Variants in ANKS1B observed in about 807,000 individuals in gnomAD.
ANKS1B encodes the protein ankyrin repeat and sterile alpha motif domain containing 1B.
A neutral mutation model predicts 148.3 loss-of-function variants in ANKS1B; 36 were observed. The ratio of observed to expected loss-of-function variants is 0.24; its 90% CI spans 0.19 to 0.32. ANKS1B has a LOEUF of 0.32. ANKS1B is among the 10% of genes least tolerant of loss of function. The pLI is 1.00. For missense variants in ANKS1B, 1,157 were observed against 1,542.6 expected, an observed-to-expected ratio of 0.75 and a Z score of 4.19; for synonymous variants, 542 against 560.8, an observed-to-expected ratio of 0.97 and a Z score of 0.47.
chr12:98,934,595 A>G (rs2099816738), intron 17 of ANKS1B, among the ~76,000 whole-genome samples: 1 of 152,132 alleles, frequency 6.6e-6, no homozygotes, highest in Non-Finnish European at 1.5e-5. Context: ...CTTCCAATCC[A>G]TGAACATTTG....
chr12:99,637,806 A>G (rs1354392705), intron 9 of ANKS1B, among the ~76,000 whole-genome samples: 1 of 147,338 alleles, frequency 6.8e-6, no homozygotes, highest in Non-Finnish European at 1.5e-5. Context: ...TATATATAAT[A>G]TATATATAAT....
chr12:99,960,300 G>T (rs935199920), intron 1 of ANKS1B, among the ~76,000 whole-genome samples: 1 of 152,166 alleles, frequency 6.6e-6, no homozygotes, highest in African/African-American at 2.4e-5. Context: ...GCGAGGTAAG[G>T]TTTCCTTATA....
At chr12:99,606,987 C>A (rs1434650437) in intron 9 of ANKS1B, among the ~76,000 whole-genome samples, 1 of 152,108 alleles carries the variant, frequency 6.6e-6, no homozygotes, top group Non-Finnish European at 1.5e-5. Context: ...CTACAAAAGG[C>A]AAGGTCCATA....
intron 22 of ANKS1B, among the ~76,000 whole-genome samples, chr12:98,784,786 G>A (rs529885633): frequency 2.0e-4 from 31 of 152,310 alleles, no homozygotes; most frequent in South Asian, 1.7e-3. Context: ...AAAGATGAAG[G>A]ATAGTCATTT....
intron 9 of ANKS1B, among the ~76,000 whole-genome samples, chr12:99,592,355 C>T (rs967985649): frequency 1.5e-4 from 23 of 151,554 alleles, no homozygotes; most frequent in African/African-American, 4.4e-4. Flanking sequence ...CCTATCATGG[C>T]AAAGCACAAG....
chr12:99,897,773 C>G (rs2093434566), intron 1 of ANKS1B, among the ~76,000 whole-genome samples: 1 of 148,834 alleles, frequency 6.7e-6, no homozygotes, highest in South Asian at 2.1e-4. Context: ...TGAGCTAAGC[C>G]TTAAAAGATA....
chr12:99,803,958 G>A (rs556023148), intron 4 of ANKS1B, among the ~76,000 whole-genome samples: 6 of 152,242 alleles, frequency 3.9e-5, no homozygotes, highest in African/African-American at 1.2e-4. Context: ...CTAAGCGTGG[G>A]GCAGAGATAG....
intron 10 of ANKS1B, among the ~76,000 whole-genome samples, chr12:99,486,674 G>T (rs1237796783): frequency 6.6e-6 from 1 of 152,050 alleles, no homozygotes; most frequent in East Asian, 1.9e-4. Context: ...TTTGCACTAA[G>T]GTCTTATCAA....
At chr12:99,045,375 T>C (rs1449838494) in intron 17 of ANKS1B, among the ~76,000 whole-genome samples, 1 of 152,204 alleles carries the variant, frequency 6.6e-6, no homozygotes, top group Non-Finnish European at 1.5e-5. Context: ...CAGCCAGCTC[T>C]TCCTTCTTAA....
At chr12:99,309,228 T>A (rs1037397359) in intron 12 of ANKS1B, among the ~76,000 whole-genome samples, 1 of 151,980 alleles carries the variant, frequency 6.6e-6, no homozygotes, top group East Asian at 1.9e-4. Flanking sequence ...AGAGCAGTTA[T>A]GTTTTAGATA....
At chr12:99,825,159 T>C (rs937281571) in intron 2 of ANKS1B, 150 bp downstream of exon 2, 2 of 618,744 alleles carry the variant, frequency 3.2e-6, no homozygotes, top group Non-Finnish European at 5.8e-6. Context: ...CTACCAAGTC[T>C]AACTTGTCAG....
intron 17 of ANKS1B, among the ~76,000 whole-genome samples, chr12:98,966,434 C>T (rs2099877960): frequency 6.6e-6 from 1 of 152,176 alleles, no homozygotes; most frequent in Non-Finnish European, 1.5e-5. Context: ...AATAGGAACA[C>T]TTTTACACTG....
rs58021580 is a variant in ANKS1B, at chr12:99,959,607, A to G, written c.134+24497T>C. Among the ~76,000 whole-genome samples, 248 of 152,332 alleles carry G rather than the reference A, an allele frequency of 1.6e-3. 9 individuals carry two copies. The East Asian group carries it at 0.04, about 25-fold the overall frequency. Reference sequence around the variant, plus strand: ...ACTTTGCTTAAGCAGTCTGCTTGCTAATATAAGGACATTTTCCTTACCTAT... The same window carrying G: ...ACTTTGCTTAAGCAGTCTGCTTGCTGATATAAGGACATTTTCCTTACCTAT... On this transcript the variant is annotated intron_variant, in intron 1 of 26. Coordinates refer to ENST00000683438, the MANE Select transcript of ANKS1B (RefSeq NM_001352186.2).
At chr12:99,388,317 C>G (rs4335638) in intron 12 of ANKS1B, among the ~76,000 whole-genome samples, 20,924 of 152,010 alleles carry the variant, frequency 0.14, 1,558 homozygotes, top group African/African-American at 0.18. Context: ...AATTTAGTAC[C>G]TATTAAAGTA....
At chr12:99,042,479 C>T (rs979070714) in intron 17 of ANKS1B, among the ~76,000 whole-genome samples, 2 of 152,104 alleles carry the variant, frequency 1.3e-5, no homozygotes, top group Non-Finnish European at 2.9e-5. Flanking sequence ...AATTTGCAGC[C>T]AAGCCCAGCC....
chr12:98,949,400 C>T (rs1239178541), intron 17 of ANKS1B, among the ~76,000 whole-genome samples: 1 of 152,070 alleles, frequency 6.6e-6, no homozygotes, highest in African/African-American at 2.4e-5. Context: ...AGCAATGTTG[C>T]CCAACTGTTA....
In ANKS1B at chr12:99,343,146, T is replaced by C. The variant is rs75545064; in HGVS notation, c.1756+56485A>G. Among the ~76,000 whole-genome samples, 249 of 152,148 alleles carry C rather than the reference T, an allele frequency of 1.6e-3. 1 individual carries two copies. Among genetic ancestry groups the C allele is most frequent in the African/African-American group, 5.8e-3 (241 of 41,562 alleles). ...TATTCCAAAGTAACAGCTAAAATCATATATTAACTTACACATATATCTTTT... is the reference window on the plus strand; with the variant it reads ...TATTCCAAAGTAACAGCTAAAATCACATATTAACTTACACATATATCTTTT... On this transcript the variant is annotated intron_variant, in intron 12 of 26. Transcript: ENST00000683438.
At chr12:99,647,583 G>T (rs1280997697) in intron 9 of ANKS1B, among the ~76,000 whole-genome samples, 2 of 152,140 alleles carry the variant, frequency 1.3e-5, no homozygotes, top group Non-Finnish European at 2.9e-5. Context: ...TTGGTGGCGG[G>T]GTAGTGGTCT....
rs923582625 is a variant in ANKS1B, at chr12:99,680,300, C to T, written c.1129-25090G>A. On this transcript the variant is annotated intron_variant, in intron 8 of 26. Transcript: ENST00000683438. ...TACTAAAAATACAAAACCTAGCCAGCCATGGTGGCACATGCCTATAATCCC... is the reference window on the plus strand; with the variant it reads ...TACTAAAAATACAAAACCTAGCCAGTCATGGTGGCACATGCCTATAATCCC... Among the ~76,000 whole-genome samples the T allele has an allele frequency of 2.0e-5, 3 of 152,098 alleles. No homozygotes were observed. The East Asian group carries it at 5.8e-4, about 29-fold the overall frequency.
Sources: gnomAD v4.1 joint callset for allele counts (sites outside exome capture counted in the v4.1 genomes callset) on GRCh38, gnomAD v4.1.1 for gene constraint, MANE v1.5 for transcripts, NCBI Gene and HGNC (gene_info 2026-07-23, HGNC 2026-07-21) for gene names.